The following CARMIL1 variants were observed in gnomAD, a reference collection of about 807,000 sequenced individuals.
CARMIL1 encodes the protein F-actin-uncapping protein LRRC16A.
Under a neutral mutation model 177.1 loss-of-function variants are expected in CARMIL1, and 90 were observed. The ratio of observed to expected loss-of-function variants is 0.51; its 90% CI spans 0.43 to 0.61. The LOEUF is 0.61. Among genes scored for constraint, CARMIL1 ranks in the 20% least tolerant of loss-of-function variants. The pLI is 0.00. For missense variants in CARMIL1, 1,380 were observed against 1,667.0 expected (o/e 0.83, Z 3.00); for synonymous variants, 577 against 606.2 (o/e 0.95, Z 0.71).
At chr6:25,297,202 C>T (rs1008546055) in intron 2 of CARMIL1, among the ~76,000 whole-genome samples, 1 of 152,240 alleles carries the variant, frequency 6.6e-6, no homozygotes, top group African/African-American at 2.4e-5. Context: ...ACTTTGTTCA[C>T]TGAATCACAG....
intron 8 of CARMIL1, chr6:25,452,109 A>G (rs751245092): frequency 1.3e-6 from 1 of 764,594 alleles, no homozygotes; most frequent in Non-Finnish European, 2.4e-6. Context: ...GGGAAAAAGT[A>G]TACTAGCTGG....
Position 25,325,468 on chromosome 6 carries a change from C to CA in CARMIL1, c.138+40560dup, listed in dbSNP as rs1246912584. On this transcript the variant is annotated intron_variant, in intron 2 of 36. Coordinates refer to ENST00000329474, the MANE Select transcript of CARMIL1 (RefSeq NM_017640.6). ...TGTTTTTGTGGAAATGATTTGTGTT[C>CA]AGTAGCATTTTTTCCCCTACAGTTT... Among the ~76,000 whole-genome samples, 4 of 152,070 alleles carry CA rather than the reference C, an allele frequency of 2.6e-5. No homozygotes were observed. The East Asian group carries it at 7.7e-4, about 29-fold the overall frequency.
At chr6:25,598,451 C>G (rs946343884) in intron 32 of CARMIL1, among the ~76,000 whole-genome samples, 2 of 152,010 alleles carry the variant, frequency 1.3e-5, no homozygotes, top group African/African-American at 4.8e-5. Flanking sequence ...GCTGACCAGG[C>G]TGGTCTCGAA....
chr6:25,486,750 G>GCCCCATTGATAATAA (rs1802698792), intron 12 of CARMIL1, among the ~76,000 whole-genome samples: 4 of 152,034 alleles, frequency 2.6e-5, no homozygotes, highest in Admixed American at 1.3e-4. Flanking sequence ...TGCCTCACTG[G>GCCCCATTGATAATAA]GTAGTGATTA....
chr6:25,482,439 T>TA (rs541839632), intron 12 of CARMIL1, 96 bp downstream of exon 12: 6 of 581,008 alleles, frequency 1.0e-5, no homozygotes, highest in African/African-American at 3.9e-5. Flanking sequence ...AAAAATACAT[T>TA]AAAAAAATAC....
At chr6:25,471,759 G>A (rs557912604) in intron 10 of CARMIL1, among the ~76,000 whole-genome samples, 5 of 152,064 alleles carry the variant, frequency 3.3e-5, no homozygotes, top group African/African-American at 9.7e-5. Flanking sequence ...GCTTTGCTTT[G>A]ATCAGTTTTA....
intron 2 of CARMIL1, among the ~76,000 whole-genome samples, chr6:25,395,611 A>G (rs887552517): frequency 2.0e-5 from 3 of 152,206 alleles, no homozygotes; most frequent in African/African-American, 7.2e-5. Context: ...ATCAATTTTA[A>G]AAGTCTTTTT....
At chr6:25,372,333 G>A (rs941281670) in intron 2 of CARMIL1, among the ~76,000 whole-genome samples, 2 of 152,036 alleles carry the variant, frequency 1.3e-5, no homozygotes, top group African/African-American at 4.8e-5. Flanking sequence ...ATTGCTTTGG[G>A]TAGTATGGCC....
chr6:25,361,843 T>C (rs1789229693), intron 2 of CARMIL1, among the ~76,000 whole-genome samples: 1 of 152,184 alleles, frequency 6.6e-6, no homozygotes, highest in African/African-American at 2.4e-5. Flanking sequence ...TATGATGCTC[T>C]CTACTATGTT....
intron 16 of CARMIL1, among the ~76,000 whole-genome samples, chr6:25,498,562 ATT>A: frequency 6.6e-6 from 1 of 152,172 alleles, no homozygotes; most frequent in African/African-American, 2.4e-5. Context: ...AGTAGGAAGT[ATT>A]TTCCTTCCAT....
At chr6:25,455,993 G>A (rs79349325) in intron 8 of CARMIL1, among the ~76,000 whole-genome samples, 2,888 of 152,268 alleles carry the variant, frequency 0.019, 29 homozygotes, top group Middle Eastern at 0.031. Flanking sequence ...GTCACCAAGA[G>A]CCCCTACTAC....
At chr6:25,389,237 C>T (rs1792495990) in intron 2 of CARMIL1, 1 of 152,042 alleles carries the variant, frequency 6.6e-6, no homozygotes, top group Non-Finnish European at 1.5e-5. Context: ...TAATTGGAGT[C>T]TATAAGCAAA....
intron 31 of CARMIL1, among the ~76,000 whole-genome samples, chr6:25,591,180 C>T (rs978978271): frequency 1.3e-5 from 2 of 152,172 alleles, no homozygotes; most frequent in African/African-American, 2.4e-5. Flanking sequence ...TGGCAGCTGC[C>T]GCATCAAAAT....
At chr6:25,314,566 A>ATACATTCACACACATATATATGTATGTG (rs1784128715) in intron 2 of CARMIL1, among the ~76,000 whole-genome samples, 1 of 151,952 alleles carries the variant, frequency 6.6e-6, no homozygotes, top group African/African-American at 2.4e-5. Flanking sequence ...ATATGTATGT[A>ATACATTCACACACATATATATGTATGTG]TACATTCACA....
At chr6:25,603,377 G>A (rs1178020670) in intron 33 of CARMIL1, among the ~76,000 whole-genome samples, 2 of 152,192 alleles carry the variant, frequency 1.3e-5, no homozygotes, top group Non-Finnish European at 2.9e-5. Flanking sequence ...TCAGCACCTT[G>A]CATTCATGAC....
chr6:25,511,231 T>C (rs993906269), intron 20 of CARMIL1, among the ~76,000 whole-genome samples: 2 of 152,236 alleles, frequency 1.3e-5, no homozygotes, highest in African/African-American at 4.8e-5. Flanking sequence ...TGAAGTCTAG[T>C]AGCACTCTGT....
At chr6:25,605,144 C>T (rs963344947) in intron 34 of CARMIL1, among the ~76,000 whole-genome samples, 2 of 152,070 alleles carry the variant, frequency 1.3e-5, no homozygotes, top group East Asian at 1.9e-4. Flanking sequence ...GAAATTCTGA[C>T]TGTTTTTTCA....
At chr6:25,411,756 A>G (rs1309880388) in intron 2 of CARMIL1, among the ~76,000 whole-genome samples, 1 of 152,224 alleles carries the variant, frequency 6.6e-6, no homozygotes, top group Non-Finnish European at 1.5e-5. Context: ...CTCTGAAACT[A>G]AACATCCGAA....
At chr6:25,287,356 C>T (rs1219955099) in intron 2 of CARMIL1, 1 of 152,132 alleles carries the variant, frequency 6.6e-6, no homozygotes, top group East Asian at 1.9e-4. Flanking sequence ...TATACTATTT[C>T]TAGCTTATCT....
Sources: allele counts gnomAD v4.1 joint callset (sites outside exome capture counted in the v4.1 genomes callset), GRCh38; gene constraint gnomAD v4.1.1; transcripts MANE v1.5; gene names NCBI Gene and HGNC (gene_info 2026-07-23, HGNC 2026-07-21).